The following ASTN1 variants were observed in gnomAD, a reference collection of about 807,000 sequenced individuals.
The protein encoded by ASTN1 is astrotactin 1.
In ASTN1, 41 loss-of-function variants were observed where a neutral mutation model predicts 140.7. The observed-to-expected ratio is 0.29, with a 90% CI of 0.23 to 0.38. The LOEUF (loss-of-function observed/expected upper bound fraction) is 0.38. ASTN1 is among the 10% of genes least tolerant of loss of function. The probability of loss-of-function intolerance (pLI) is 1.00; values close to 1 mark genes in which losing one functional copy is unlikely to be tolerated. For synonymous variants in ASTN1, 640 were observed against 652.2 expected (o/e 0.98, Z 0.29); for missense variants, 1,479 against 1,678.8 (o/e 0.88, Z 2.08).
chr1:177,151,495 T>A (rs1683034065), intron 1 of ASTN1, among the ~76,000 whole-genome samples: 2 of 150,944 alleles, frequency 1.3e-5, no homozygotes, highest in Non-Finnish European at 2.9e-5. Context: ...TTCCTGTGAG[T>A]GTAAACACAC....
chr1:176,899,162 A>G (rs911147543), intron 16 of ASTN1, among the ~76,000 whole-genome samples: 2 of 152,226 alleles, frequency 1.3e-5, no homozygotes, highest in African/African-American at 4.8e-5. Flanking sequence ...AATAAATGTC[A>G]TTTGCTTTAG....
intron 18 of ASTN1, among the ~76,000 whole-genome samples, chr1:176,885,573 G>T (rs1404591157): frequency 6.6e-6 from 1 of 152,070 alleles, no homozygotes; most frequent in Admixed American, 6.6e-5. Flanking sequence ...CAGATATCAT[G>T]ATCACTCATA....
At chr1:176,994,848 T>G (rs1386676939) in intron 8 of ASTN1, among the ~76,000 whole-genome samples, 1 of 152,132 alleles carries the variant, frequency 6.6e-6, no homozygotes, top group Non-Finnish European at 1.5e-5. Context: ...CCTAAATGAT[T>G]GTTGGCTATT....
At chr1:177,122,763 A>G (rs951571754) in intron 1 of ASTN1, among the ~76,000 whole-genome samples, 11 of 152,224 alleles carry the variant, frequency 7.2e-5, no homozygotes, top group African/African-American at 2.4e-4. Flanking sequence ...GAGAGGTGAC[A>G]GGAATTATCC....
chr1:176,897,274 C>CAAAAAAAAA (rs56828059), intron 16 of ASTN1, among the ~76,000 whole-genome samples: 1 of 44,134 alleles, frequency 2.3e-5, no homozygotes, highest in African/African-American at 1.0e-4. Context: ...GACTCCGTCT[C>CAAAAAAAAA]AAAAAAAAAA....
chr1:177,144,790 C>T (rs916902878), intron 1 of ASTN1, among the ~76,000 whole-genome samples: 1 of 152,042 alleles, frequency 6.6e-6, no homozygotes, highest in Admixed American at 6.6e-5. Flanking sequence ...TATGCCCTAG[C>T]ATCCCAGTCT....
intron 1 of ASTN1, among the ~76,000 whole-genome samples, chr1:177,087,460 G>A (rs1679531748): frequency 6.6e-6 from 1 of 152,130 alleles, no homozygotes; most frequent in African/African-American, 2.4e-5. Flanking sequence ...CAAGCCATAT[G>A]CTGAATTCTG....
chr1:176,918,978 C>A (rs948702671), intron 16 of ASTN1, among the ~76,000 whole-genome samples: 45 of 152,332 alleles, frequency 3.0e-4, no homozygotes, highest in African/African-American at 1.0e-3. Flanking sequence ...GCTCACCATC[C>A]ACATCTTGGC....
intron 16 of ASTN1, among the ~76,000 whole-genome samples, chr1:176,904,390 C>A (rs959186956): frequency 2.6e-5 from 4 of 152,166 alleles, no homozygotes; most frequent in African/African-American, 9.6e-5. Flanking sequence ...CATAGAGATT[C>A]GGAGTCACAG....
At chr1:177,151,768 T>C (rs1345804159) in intron 1 of ASTN1, among the ~76,000 whole-genome samples, 1 of 152,182 alleles carries the variant, frequency 6.6e-6, no homozygotes, top group Admixed American at 6.5e-5. Context: ...TGGACCCTCT[T>C]TTCAAGAAAT....
rs376351018 is a variant in ASTN1 at position 177,164,545 on chromosome 1, T to C, written c.132A>G (p.Ala44=). The change falls in exon 1 of 23, where the codon GCA becomes GCG. Residue 44 remains alanine (A), a synonymous_variant. Coordinates refer to ENST00000361833, the MANE Select transcript of ASTN1 (RefSeq NM_004319.3). ...ECKLKSITVS[A]LPFLRENDLS... Reference sequence around the variant, plus strand: ...GGTCGTTCTCGCGCAGGAAGGGCAGTGCCGACACCGTGATGCTTTTGAGCT... The same window carrying C: ...GGTCGTTCTCGCGCAGGAAGGGCAGCGCCGACACCGTGATGCTTTTGAGCT... 3 of 1,613,670 alleles carry C rather than the reference T, an allele frequency of 1.9e-6. No individual in the cohort carries two copies. The highest frequency in any genetic ancestry group is 2.7e-5 in the African/African-American group (2 of 74,814).
At chr1:176,879,925 C>T (rs376871691) in intron 20 of ASTN1, among the ~76,000 whole-genome samples, 11 of 152,138 alleles carry the variant, frequency 7.2e-5, no homozygotes, top group African/African-American at 2.7e-4. Context: ...CGGGGGAGCA[C>T]TTTACACATT....
chr1:177,149,267 T>A, intron 1 of ASTN1, among the ~76,000 whole-genome samples: 1 of 92,382 alleles, frequency 1.1e-5, no homozygotes, highest in Non-Finnish European at 1.9e-5. Flanking sequence ...AATATATATA[T>A]ACTATATATA....
chr1:177,123,703 C>T (rs1054304704), intron 1 of ASTN1, among the ~76,000 whole-genome samples: 15 of 152,156 alleles, frequency 9.9e-5, no homozygotes, highest in African/African-American at 3.4e-4. Context: ...CGATAGCAGA[C>T]TTTCTCTACA....
chr1:177,082,078 C>G (rs192967812), intron 1 of ASTN1, among the ~76,000 whole-genome samples: 1 of 152,102 alleles, frequency 6.6e-6, no homozygotes. Context: ...AGTTTGACAT[C>G]CACATTGGAT....
At chr1:176,885,805 T>C (rs1363762791) in intron 18 of ASTN1, among the ~76,000 whole-genome samples, 1 of 152,154 alleles carries the variant, frequency 6.6e-6, no homozygotes, top group Non-Finnish European at 1.5e-5. Flanking sequence ...TAGAAGCATA[T>C]AATTATACAT....
chr1:177,156,306 T>G (rs1385891614), intron 1 of ASTN1, among the ~76,000 whole-genome samples: 1 of 149,986 alleles, frequency 6.7e-6, no homozygotes, highest in African/African-American at 2.5e-5. Flanking sequence ...CAACACCATA[T>G]GCTGCTTGGA....
At chr1:176,997,305 A>G (rs1478062553) in intron 8 of ASTN1, among the ~76,000 whole-genome samples, 1 of 152,160 alleles carries the variant, frequency 6.6e-6, no homozygotes, top group Non-Finnish European at 1.5e-5. Flanking sequence ...ATTTGTTCCC[A>G]GCAAAGTGAG....
At chr1:177,051,416 T>C (rs536531385) in intron 2 of ASTN1, among the ~76,000 whole-genome samples, 34 of 152,248 alleles carry the variant, frequency 2.2e-4, no homozygotes, top group Non-Finnish European at 4.0e-4. Flanking sequence ...AGTTATATAC[T>C]GTGCATGGTT....
Sources: allele counts gnomAD v4.1 joint callset (sites outside exome capture counted in the v4.1 genomes callset), GRCh38; gene constraint gnomAD v4.1.1; transcripts MANE v1.5; gene names NCBI Gene and HGNC (gene_info 2026-07-23, HGNC 2026-07-21).